Variants in SPAG17 observed in about 807,000 individuals in gnomAD.
The protein encoded by SPAG17 is sperm associated antigen 17.
Under a neutral mutation model 273.6 loss-of-function variants are expected in SPAG17, and 169 were observed. The observed-to-expected ratio is 0.62, with a 90% CI of 0.55 to 0.70. SPAG17 has a LOEUF of 0.70. Ranked by LOEUF, SPAG17 falls within the 30% of genes least tolerant of loss-of-function variation. The probability of loss-of-function intolerance (pLI) is 0.00; values close to 1 mark genes in which losing one functional copy is unlikely to be tolerated. For synonymous variants in SPAG17, 825 were observed against 873.2 expected, an observed-to-expected ratio of 0.94 and a Z score of 0.97; for missense variants, 2,557 against 2,627.8, an observed-to-expected ratio of 0.97 and a Z score of 0.59.
chr1:118,034,721 G>A lies in SPAG17; in HGVS notation c.3433+2049C>T, dbSNP rs987896107. 2.6e-5 allele frequency among the ~76,000 whole-genome samples: 4 copies of A among 152,236 alleles called. No individual in the cohort carries two copies. In the South Asian group the frequency reaches 8.3e-4, roughly 32 times the overall value. On this transcript the variant is annotated intron_variant, in intron 24 of 48. Coordinates refer to ENST00000336338, the MANE Select transcript of SPAG17 (RefSeq NM_206996.4). ...GAACTGAAAGGCACAGAAATAATAG[G>A]GTAGGAAGGTATACTTCTCTATGGG...
chr1:118,181,250 AAAT>A (rs1300394265), intron 1 of SPAG17, among the ~76,000 whole-genome samples: 1 of 152,132 alleles, frequency 6.6e-6, no homozygotes, highest in Admixed American at 6.5e-5. Flanking sequence ...TATAGAAAAG[AAAT>A]AATAAACTAG....
chr1:118,005,479 A>G lies in SPAG17; in HGVS notation c.4711T>C (p.Tyr1571His). ...QKREQLRAGRYIMRHTSEVIC... is the reference protein window; with the variant it reads ...QKREQLRAGRHIMRHTSEVIC... ...ACCTCTGAAGTATGCCTCATGATGTACCTGCCAGCTCGCAGCTGCTCACGC... is the reference window on the plus strand; with the variant it reads ...ACCTCTGAAGTATGCCTCATGATGTGCCTGCCAGCTCGCAGCTGCTCACGC... Residue 1571 changes from tyrosine (Y) to histidine (H), a missense_variant, in exon 32 of 49, where the codon TAC becomes CAC. Coordinates refer to ENST00000336338, the MANE Select transcript of SPAG17 (RefSeq NM_206996.4). The G allele has an allele frequency of 6.2e-7, 1 of 1,613,772 alleles. No homozygotes were observed. Among genetic ancestry groups the G allele is most frequent in the Non-Finnish European group, 8.5e-7 (1 of 1,179,796 alleles).
At chr1:118,096,497 C>T (rs922606847) in intron 7 of SPAG17, among the ~76,000 whole-genome samples, 17 of 152,076 alleles carry the variant, frequency 1.1e-4, no homozygotes, top group African/African-American at 3.6e-4. Flanking sequence ...GCTCCCTTAA[C>T]GCTGAAATAT....
At chr1:118,020,487 G>T (rs1385905780) in intron 28 of SPAG17, among the ~76,000 whole-genome samples, 1 of 151,336 alleles carries the variant, frequency 6.6e-6, no homozygotes, top group Non-Finnish European at 1.5e-5. Flanking sequence ...ATGATGAAAG[G>T]TTAAATTAGT....
chr1:118,063,250 G>C (rs1022110135), intron 18 of SPAG17, among the ~76,000 whole-genome samples: 2 of 151,998 alleles, frequency 1.3e-5, no homozygotes, highest in African/African-American at 4.8e-5. Context: ...AGTTCATATG[G>C]AACCAAAAAA....
At chr1:118,073,682 G>T (rs953115509) in intron 17 of SPAG17, among the ~76,000 whole-genome samples, 172 bp downstream of exon 17, 1 of 151,814 alleles carries the variant, frequency 6.6e-6, no homozygotes, top group Non-Finnish European at 1.5e-5. Flanking sequence ...TTAGAGAGTC[G>T]CTGGGAATGC....
intron 32 of SPAG17, among the ~76,000 whole-genome samples, chr1:118,001,463 G>T (rs567524027): frequency 6.6e-5 from 10 of 152,178 alleles, no homozygotes. Flanking sequence ...ACTTTTTTTG[G>T]CTGGTAGGCT....
chr1:118,052,922 T>C (rs1651231045), intron 20 of SPAG17, among the ~76,000 whole-genome samples: 1 of 151,990 alleles, frequency 6.6e-6, no homozygotes, highest in South Asian at 2.1e-4. Context: ...ATTATTAAAA[T>C]TAAAATTACT....
At chr1:118,024,559 C>G (rs994909734) in intron 27 of SPAG17, among the ~76,000 whole-genome samples, 2 of 151,794 alleles carry the variant, frequency 1.3e-5, no homozygotes, top group Non-Finnish European at 2.9e-5. Context: ...GCATGGTCAT[C>G]TTTCTCATTG....
chr1:118,043,490 A>T (rs1650006257), intron 20 of SPAG17, among the ~76,000 whole-genome samples: 1 of 152,260 alleles, frequency 6.6e-6, no homozygotes, highest in South Asian at 2.1e-4. Flanking sequence ...ACTTACCACA[A>T]CGTAAGTATT....
rs1380865283 is a variant in SPAG17 at position 117,953,699 on chromosome 1, A to C, written c.*351T>G. On this transcript the variant is annotated 3_prime_UTR_variant, in exon 49 of 49. Transcript: ENST00000336338. The stretch of plus-strand genomic sequence containing the variant: ...ACCTGTTTCCTTCTCTTGTAACCAA[A>C]GATGGGAGTAGTCCTGAATCTCTTT... Among the ~76,000 whole-genome samples the C allele has an allele frequency of 6.6e-6, 1 of 152,120 alleles. No homozygotes were observed. Among genetic ancestry groups the C allele is most frequent in the Non-Finnish European group, 1.5e-5 (1 of 67,984 alleles).
chr1:117,971,027 A>G (rs1193623758), intron 45 of SPAG17, among the ~76,000 whole-genome samples: 1 of 151,998 alleles, frequency 6.6e-6, no homozygotes, highest in Non-Finnish European at 1.5e-5. Context: ...TGGGACAGGG[A>G]TCTTTCAAAC....
chr1:117,959,698 C>T, intron 48 of SPAG17: 1 of 316,984 alleles, frequency 3.2e-6, no homozygotes, highest in Non-Finnish European at 5.7e-6. Flanking sequence ...TTGAGCCTTG[C>T]AGCTCAAGCT....
At chr1:118,182,136 T>C (rs945161847) in intron 1 of SPAG17, among the ~76,000 whole-genome samples, 2 of 151,514 alleles carry the variant, frequency 1.3e-5, no homozygotes, top group African/African-American at 4.9e-5. Flanking sequence ...TTCTGAGACA[T>C]GTTACAATAT....
intron 1 of SPAG17, among the ~76,000 whole-genome samples, chr1:118,181,658 A>G (rs750037677): frequency 7.2e-5 from 11 of 152,172 alleles, no homozygotes; most frequent in Non-Finnish European, 1.2e-4. Context: ...TTATTAAAAA[A>G]TCAAAAACAA....
chr1:118,008,177 G>C lies in SPAG17; in HGVS notation c.4454C>G (p.Thr1485Ser). The C allele has an allele frequency of 1.2e-6, 2 of 1,613,874 alleles. No homozygotes were observed. The highest frequency in any genetic ancestry group is 1.7e-6 in the Non-Finnish European group (2 of 1,179,938). ...QETTEGPRTV[T>S]RQVKCMRVES... ...TACCCGCATACACTTCACCTGCCTG[G>C]TGACAGTCCGAGGACCCTCGGCTAC... The change falls in exon 31 of 49, where the codon ACC becomes AGC. Residue 1485 changes from threonine to serine, a missense_variant. Coordinates refer to ENST00000336338, the MANE Select transcript of SPAG17 (RefSeq NM_206996.4).
At chr1:118,083,658 G>A (rs545443946) in intron 13 of SPAG17, among the ~76,000 whole-genome samples, 77 of 152,208 alleles carry the variant, frequency 5.1e-4, no homozygotes, top group Non-Finnish European at 1.0e-3. Flanking sequence ...GATGGCGTGC[G>A]CCTGTAATCC....
At chr1:118,014,875 C>A (rs551832045) in intron 29 of SPAG17, among the ~76,000 whole-genome samples, 1 of 152,308 alleles carries the variant, frequency 6.6e-6, no homozygotes, top group African/African-American at 2.4e-5. Context: ...ACTTTCTGAA[C>A]ATGTACTCTT....
Position 118,029,133 on chromosome 1 carries a change from C to A in SPAG17, c.3610-739G>T, listed in dbSNP as rs562741586. 4.6e-5 allele frequency among the ~76,000 whole-genome samples: 7 copies of A among 152,124 alleles called. No individual in the cohort carries two copies. The East Asian group carries it at 1.4e-3, about 29-fold the overall frequency. Reference sequence around the variant, plus strand: ...GGCATGATGGTACATGCCTGTGGTCCCAGCTACTTGGGATGCTGAGGTGGA... The same window carrying A: ...GGCATGATGGTACATGCCTGTGGTCACAGCTACTTGGGATGCTGAGGTGGA... On this transcript the variant is annotated intron_variant, in intron 25 of 48. Coordinates refer to ENST00000336338, the MANE Select transcript of SPAG17 (RefSeq NM_206996.4).
Sources: gnomAD v4.1 joint callset for allele counts (sites outside exome capture counted in the v4.1 genomes callset) on GRCh38, gnomAD v4.1.1 for gene constraint, MANE v1.5 for transcripts, NCBI Gene and HGNC (gene_info 2026-07-23, HGNC 2026-07-21) for gene names.